LSAMP: variants seen among roughly 807,000 people sequenced by gnomAD.
LSAMP encodes the protein limbic system associated membrane protein.
A neutral mutation model predicts 38.6 loss-of-function variants in LSAMP; 7 were observed. The observed-to-expected ratio is 0.18, with a 90% CI of 0.10 to 0.34. The LOEUF is 0.34. LSAMP is among the 10% of genes least tolerant of loss of function. The pLI is 1.00. For missense variants in LSAMP, 313 were observed against 420.0 expected (o/e 0.75, Z 2.23); for synonymous variants, 154 against 166.8 (o/e 0.92, Z 0.59).
At chr3:115,923,411 A>G (rs1937427553) in intron 3 of LSAMP, among the ~76,000 whole-genome samples, 1 of 152,180 alleles carries the variant, frequency 6.6e-6, no homozygotes, top group Admixed American at 6.5e-5. Flanking sequence ...GTGCTCACCT[A>G]TGGTGGTGCA....
intron 1 of LSAMP, among the ~76,000 whole-genome samples, chr3:116,135,942 TA>T (rs2107508565): frequency 6.6e-6 from 1 of 152,232 alleles, no homozygotes; most frequent in South Asian, 2.1e-4. Context: ...TAAATAGCCT[TA>T]AAAATGTCCT....
chr3:116,434,701 A>G (rs938440208), intron 1 of LSAMP, among the ~76,000 whole-genome samples: 1 of 152,082 alleles, frequency 6.6e-6, no homozygotes, highest in African/African-American at 2.4e-5. Flanking sequence ...ACAGGCGTGC[A>G]CCACCAGGCC....
chr3:115,944,797 A>T (rs1938042009), intron 3 of LSAMP, among the ~76,000 whole-genome samples: 1 of 152,168 alleles, frequency 6.6e-6, no homozygotes, highest in Non-Finnish European at 1.5e-5. Flanking sequence ...ATCTAACACC[A>T]TAGCCAGAGA....
rs141076275 is a variant in LSAMP, at chr3:116,326,703, T to C, written c.155+118174A>G. ...TGTAAAATGAGGAAATTGGTCATGG[T>C]CTCACAGGCTGATGTGAGAAAAATG... On this transcript the variant is annotated intron_variant, in intron 1 of 6. Transcript: ENST00000490035. Among the ~76,000 whole-genome samples, 15 of 152,286 alleles carry C rather than the reference T, an allele frequency of 9.8e-5. 1 individual carries two copies. The East Asian group carries it at 2.7e-3, about 27-fold the overall frequency.
chr3:116,409,088 T>C (rs1055156006), intron 1 of LSAMP, among the ~76,000 whole-genome samples: 1 of 152,002 alleles, frequency 6.6e-6, no homozygotes, highest in African/African-American at 2.4e-5. Flanking sequence ...TGCTAAAAAG[T>C]GTCTATCATG....
At chr3:115,911,362 A>G (rs1001328462) in intron 3 of LSAMP, among the ~76,000 whole-genome samples, 1 of 152,152 alleles carries the variant, frequency 6.6e-6, no homozygotes, top group African/African-American at 2.4e-5. Context: ...ATGGGTTTTC[A>G]TTTTTGTTTT....
At chr3:116,381,263 T>C (rs1280579322) in intron 1 of LSAMP, among the ~76,000 whole-genome samples, 1 of 152,062 alleles carries the variant, frequency 6.6e-6, no homozygotes, top group Admixed American at 6.6e-5. Flanking sequence ...GACTGTCCAA[T>C]GAAAAAGTTA....
intron 3 of LSAMP, among the ~76,000 whole-genome samples, chr3:115,912,089 C>T (rs1258031460): frequency 6.6e-6 from 1 of 152,112 alleles, no homozygotes. Flanking sequence ...TTTGTAGTTT[C>T]TCTCACTCTG....
chr3:115,888,829 G>A (rs943510464), intron 3 of LSAMP, among the ~76,000 whole-genome samples: 1 of 151,934 alleles, frequency 6.6e-6, no homozygotes, highest in Non-Finnish European at 1.5e-5. Context: ...CAACTATGTG[G>A]CAAATTTGGC....
chr3:116,304,287 T>C (rs1474285674), intron 1 of LSAMP, among the ~76,000 whole-genome samples: 2 of 152,118 alleles, frequency 1.3e-5, no homozygotes, highest in Non-Finnish European at 2.9e-5. Flanking sequence ...GAATATTATA[T>C]AGAGAGGCGG....
At chr3:115,883,397 A>T (rs1936371674) in intron 3 of LSAMP, among the ~76,000 whole-genome samples, 1 of 152,066 alleles carries the variant, frequency 6.6e-6, no homozygotes, top group African/African-American at 2.4e-5. Context: ...GCCTTAGTAG[A>T]TGTAGATGCC....
intron 1 of LSAMP, among the ~76,000 whole-genome samples, chr3:116,249,955 T>C (rs994784800): frequency 6.6e-6 from 1 of 152,188 alleles, no homozygotes. Flanking sequence ...ATTTTTCTTA[T>C]GACCTATAGG....
chr3:115,915,919 T>C (rs16824267), intron 3 of LSAMP, among the ~76,000 whole-genome samples: 30,096 of 152,016 alleles, frequency 0.2, 3,359 homozygotes, highest in African/African-American at 0.31. Context: ...TTACTAGATA[T>C]AGCCCCTAGA....
intron 1 of LSAMP, among the ~76,000 whole-genome samples, chr3:116,257,890 A>G (rs1048744448): frequency 6.6e-5 from 10 of 152,166 alleles, no homozygotes; most frequent in South Asian, 2.1e-4. Context: ...AAAAAGAAGT[A>G]TTCTTTGTTT....
rs1933685523 is a variant in LSAMP at position 115,808,148 on chromosome 3, C to CCCT, written c.*2168_*2169insAGG. The CCCT allele has an allele frequency of 2.4e-5, 2 of 81,640 alleles. No individual in the cohort carries two copies. Among genetic ancestry groups the CCCT allele is most frequent in the Non-Finnish European group, 4.8e-5 (2 of 41,974 alleles). 5.1% of individuals were successfully genotyped at this position (81,640 alleles called of 1,614,324 possible). On this transcript the variant is annotated 3_prime_UTR_variant, in exon 7 of 7. Coordinates refer to ENST00000490035, the MANE Select transcript of LSAMP (RefSeq NM_002338.5). ...TCCCTCCCTCCCTCCCTCCCTCCCT[C>CCCT]CCCCCCTTCCCCGTCCCCCCCTCCC... is the stretch of plus-strand genomic sequence containing the variant.
intron 1 of LSAMP, among the ~76,000 whole-genome samples, chr3:116,322,181 C>T (rs1489672744): frequency 2.6e-5 from 4 of 152,264 alleles, no homozygotes; most frequent in Middle Eastern, 3.4e-3. Flanking sequence ...GATACTTAGA[C>T]ACATCTGAGA....
intron 2 of LSAMP, among the ~76,000 whole-genome samples, chr3:116,043,340 A>T (rs909839632): frequency 1.3e-5 from 2 of 152,214 alleles, no homozygotes; most frequent in African/African-American, 2.4e-5. Context: ...GTGAAACATG[A>T]TAATTCTGGC....
intron 2 of LSAMP, among the ~76,000 whole-genome samples, chr3:116,067,814 A>T (rs779796600): frequency 6.6e-6 from 1 of 152,230 alleles, no homozygotes; most frequent in Non-Finnish European, 1.5e-5. Context: ...CCAAAACAAA[A>T]GCATCAAATT....
chr3:116,310,682 T>G (rs1216364513), intron 1 of LSAMP, among the ~76,000 whole-genome samples: 2 of 152,076 alleles, frequency 1.3e-5, no homozygotes, highest in Non-Finnish European at 2.9e-5. Context: ...GAAAGAAAAA[T>G]TTCTCAAGGC....
Sources: gnomAD v4.1 joint callset for allele counts (sites outside exome capture counted in the v4.1 genomes callset) on GRCh38, gnomAD v4.1.1 for gene constraint, MANE v1.5 for transcripts, NCBI Gene and HGNC (gene_info 2026-07-23, HGNC 2026-07-21) for gene names.